Variants in PAK5 observed in about 807,000 individuals in gnomAD.
PAK5 encodes p21 (RAC1) activated kinase 5.
Under a neutral mutation model 65.9 loss-of-function variants are expected in PAK5, and 16 were observed. The observed-to-expected ratio is 0.24, with a 90% CI of 0.16 to 0.37. The LOEUF (loss-of-function observed/expected upper bound fraction) is 0.37, where lower values mean the gene tolerates loss of function less well. Ranked by LOEUF, PAK5 falls within the 10% of genes least tolerant of loss-of-function variation. PAK5 has a pLI of 1.00. For synonymous variants in PAK5, 371 were observed against 354.9 expected, an observed-to-expected ratio of 1.05 and a Z score of -0.51; for missense variants, 785 against 903.9, an observed-to-expected ratio of 0.87 and a Z score of 1.69.
intron 1 of PAK5, among the ~76,000 whole-genome samples, chr20:9,714,210 C>G (rs2048113820): frequency 6.6e-6 from 1 of 152,072 alleles, no homozygotes; most frequent in Admixed American, 6.6e-5. Context: ...ATTGCTCCTC[C>G]AATTTTCAGA....
At chr20:9,655,336 G>C (rs912279230) in intron 2 of PAK5, among the ~76,000 whole-genome samples, 1 of 151,644 alleles carries the variant, frequency 6.6e-6, no homozygotes, top group Non-Finnish European at 1.5e-5. Context: ...CTATTTGTTT[G>C]TGTTATCCCT....
At chr20:9,714,646 C>T (rs2048120299) in intron 1 of PAK5, among the ~76,000 whole-genome samples, 1 of 151,880 alleles carries the variant, frequency 6.6e-6, no homozygotes, top group African/African-American at 2.4e-5. Context: ...AAATTATCTT[C>T]TACTACAAGG....
chr20:9,600,737 T>C (rs1370196496), intron 3 of PAK5, among the ~76,000 whole-genome samples: 1 of 152,218 alleles, frequency 6.6e-6, no homozygotes, highest in Non-Finnish European at 1.5e-5. Flanking sequence ...TCTGCTGTCC[T>C]CACATTTCCC....
In PAK5 at chr20:9,685,638, G is replaced by C. The variant is rs116394302; in HGVS notation, c.-12+25648C>G. On this transcript the variant is annotated intron_variant, in intron 2 of 9. Transcript: ENST00000353224. ...GAAACAATAAATTTCATAAATTTCTGTTGTTTAAGTCACCCAGTTTGTGGT... is the reference window on the plus strand; with the variant it reads ...GAAACAATAAATTTCATAAATTTCTCTTGTTTAAGTCACCCAGTTTGTGGT... 6.8e-3 allele frequency among the ~76,000 whole-genome samples: 1,040 copies of C among 152,262 alleles called. 7 individuals are homozygous for C. Among genetic ancestry groups the C allele is most frequent in the African/African-American group, 0.023 (967 of 41,556 alleles).
In PAK5 at chr20:9,797,428, T is replaced by C. The variant is rs767019022; in HGVS notation, c.-162+41334A>G. ...ACCAAACACCACATGTCCTCATTCA[T>C]AGGCGGGAATTGAACAATGAGGACA... On this transcript the variant is annotated intron_variant, in intron 1 of 9. Coordinates refer to ENST00000353224, the MANE Select transcript of PAK5 (RefSeq NM_177990.4). 1.6e-4 allele frequency among the ~76,000 whole-genome samples: 23 copies of C among 144,012 alleles called. No homozygotes were observed. In the East Asian group the frequency reaches 4.8e-3, roughly 30 times the overall value. 94.5% of individuals were successfully genotyped at this position (144,012 alleles called of 152,430 possible). A position where few individuals can be genotyped will look rare whatever the true frequency, so the allele number is the denominator to read the frequency against.
In PAK5 at chr20:9,557,686, A is replaced by C; in HGVS notation, c.1665T>G (p.Ala555=). 6.2e-7 allele frequency: 1 copy of C among 1,611,376 alleles called. No homozygotes were observed. The highest frequency in any genetic ancestry group is 8.5e-7 in the Non-Finnish European group (1 of 1,177,688). The change falls in exon 7 of 10, where the codon GCT becomes GCG. Residue 555 remains alanine, a synonymous_variant. Coordinates refer to ENST00000353224, the MANE Select transcript of PAK5 (RefSeq NM_177990.4). Reference sequence around the variant, plus strand: ...CTCCTTGGTTATGAAGGTAGGAGAGAGCTCTCAGAACTGACAGGCAGACAG... The same window carrying C: ...CTCCTTGGTTATGAAGGTAGGAGAGCGCTCTCAGAACTGACAGGCAGACAG... ...IATVCLSVLR[A]LSYLHNQGVI...
chr20:9,613,756 C>G (rs2046607121), intron 3 of PAK5, among the ~76,000 whole-genome samples: 1 of 152,170 alleles, frequency 6.6e-6, no homozygotes, highest in Non-Finnish European at 1.5e-5. Flanking sequence ...CCTGTCCTAG[C>G]TCAGGGAAAA....
At chr20:9,753,469 A>G (rs1282958564) in intron 1 of PAK5, among the ~76,000 whole-genome samples, 1 of 152,162 alleles carries the variant, frequency 6.6e-6, no homozygotes, top group African/African-American at 2.4e-5. Flanking sequence ...TCACATTAAT[A>G]ATGCCAAGTA....
In PAK5 at chr20:9,685,458, G is replaced by A. The variant is rs191044916; in HGVS notation, c.-12+25828C>T. On this transcript the variant is annotated intron_variant, in intron 2 of 9. Transcript: ENST00000353224. ...CACAGGGAGAACCACAAATAATCAT[G>A]AAGAAAGAGATCCACAGGACAAGGA... 2.2e-4 allele frequency among the ~76,000 whole-genome samples: 33 copies of A among 152,260 alleles called. No homozygotes were observed. The East Asian group carries it at 4.6e-3, about 21-fold the overall frequency.
chr20:9,748,734 T>C (rs2048538243), intron 1 of PAK5, among the ~76,000 whole-genome samples: 1 of 152,196 alleles, frequency 6.6e-6, no homozygotes, highest in Non-Finnish European at 1.5e-5. Context: ...CCAATAGAAT[T>C]TTCTGCAATG....
At chr20:9,760,412 A>C (rs929929129) in intron 1 of PAK5, among the ~76,000 whole-genome samples, 4 of 152,112 alleles carry the variant, frequency 2.6e-5, no homozygotes, top group African/African-American at 9.7e-5. Flanking sequence ...AATTCTTAGC[A>C]AAACTGTCTG....
intron 2 of PAK5, among the ~76,000 whole-genome samples, chr20:9,667,762 G>A (rs564168175): frequency 2.1e-4 from 32 of 152,206 alleles, no homozygotes; most frequent in South Asian, 1.5e-3. Flanking sequence ...ATAGAATTTC[G>A]TAACTTAAAG....
At chr20:9,612,275 T>C (rs536923307) in intron 3 of PAK5, among the ~76,000 whole-genome samples, 120 of 152,348 alleles carry the variant, frequency 7.9e-4, no homozygotes, top group African/African-American at 2.8e-3. Flanking sequence ...TTCCTCTTAA[T>C]GTCGTCTCCG....
intron 1 of PAK5, among the ~76,000 whole-genome samples, chr20:9,741,576 C>T (rs550333479): frequency 2.7e-4 from 41 of 152,238 alleles, no homozygotes; most frequent in Non-Finnish European, 4.7e-4. Context: ...CCCTTTTAGC[C>T]TCAATTTTTT....
rs981485228 is a variant in PAK5, at chr20:9,580,261, G to C, written c.874C>G (p.Leu292Val). The C allele has an allele frequency of 6.2e-7, 1 of 1,614,166 alleles. No individual in the cohort carries two copies. The highest frequency in any genetic ancestry group is 1.7e-5 in the Admixed American group (1 of 60,020). ...CCAAATGGCATCATCGGTTCCTGGA[G>C]TCCCGAGCCTGACCTGGACCTCTGC... is the stretch of plus-strand genomic sequence containing the variant. ...MRQRSRSGSG[L>V]QEPMMPFGAS... The change falls in exon 4 of 10, where the codon CTC becomes GTC. Residue 292 changes from leucine (L) to valine (V), a missense_variant. Transcript: ENST00000353224.
intron 1 of PAK5, among the ~76,000 whole-genome samples, chr20:9,814,334 G>A (rs2049331621): frequency 6.6e-6 from 1 of 152,098 alleles, no homozygotes; most frequent in Non-Finnish European, 1.5e-5. Context: ...CATCATCAGT[G>A]AAATGAGAAT....
At chr20:9,652,239 C>T (rs2047212050) in intron 2 of PAK5, among the ~76,000 whole-genome samples, 1 of 152,186 alleles carries the variant, frequency 6.6e-6, no homozygotes, top group Admixed American at 6.5e-5. Context: ...ACCAACCACA[C>T]CATCCCCTTT....
intron 1 of PAK5, among the ~76,000 whole-genome samples, chr20:9,816,615 C>G (rs535300891): frequency 1.3e-5 from 2 of 152,086 alleles, no homozygotes; most frequent in Non-Finnish European, 2.9e-5. Context: ...TCTCTGCACT[C>G]CTGGTTCTCA....
chr20:9,712,248 C>T (rs554593182), intron 1 of PAK5, among the ~76,000 whole-genome samples: 7 of 152,236 alleles, frequency 4.6e-5, no homozygotes, highest in African/African-American at 1.4e-4. Context: ...CAACTATATA[C>T]ATATTGGCTG....
Sources: gnomAD v4.1 joint callset for allele counts (sites outside exome capture counted in the v4.1 genomes callset) on GRCh38, gnomAD v4.1.1 for gene constraint, MANE v1.5 for transcripts, NCBI Gene and HGNC (gene_info 2026-07-23, HGNC 2026-07-21) for gene names.